The following EFNB2 variants were observed in gnomAD, a reference collection of about 807,000 sequenced individuals.
EFNB2 encodes ephrin B2, also known as ephrin-B2.
EFNB2 carries 5 observed loss-of-function variants against 32.1 expected under a neutral mutation model. That is an observed-to-expected ratio of 0.16 (90% CI 0.08 to 0.33). EFNB2 has a LOEUF of 0.33. EFNB2 is among the 10% of genes least tolerant of loss of function. EFNB2 has a pLI of 1.00. For synonymous variants in EFNB2, 168 were observed against 166.5 expected (o/e 1.01, Z -0.07); for missense variants, 263 against 422.6 (o/e 0.62, Z 3.31).
chr13:106,502,780 T>A (rs2138909082), intron 2 of EFNB2, among the ~76,000 whole-genome samples: 1 of 152,324 alleles, frequency 6.6e-6, no homozygotes, highest in South Asian at 2.1e-4. Flanking sequence ...GGGCCATAGG[T>A]ATCTTTGACT....
At chr13:106,508,923 A>C (rs1052211762) in intron 2 of EFNB2, among the ~76,000 whole-genome samples, 11 of 152,206 alleles carry the variant, frequency 7.2e-5, no homozygotes, top group Admixed American at 2.6e-4. Context: ...AAGTGTGATG[A>C]CTATATTTTA....
At chr13:106,520,146 G>C (rs1313641686) in intron 1 of EFNB2, 1 of 152,164 alleles carries the variant, frequency 6.6e-6, no homozygotes, top group Non-Finnish European at 1.5e-5. Context: ...CAAACCAAAA[G>C]TCATGTAATA....
intron 1 of EFNB2, among the ~76,000 whole-genome samples, chr13:106,534,177 G>A (rs1879977171): frequency 6.6e-6 from 1 of 152,170 alleles, no homozygotes; most frequent in Non-Finnish European, 1.5e-5. Flanking sequence ...GCGGGAGGCC[G>A]AGGTGCGGCG....
intron 4 of EFNB2, 42 bp downstream of exon 4, chr13:106,494,839 G>A (rs1878535480): frequency 2.8e-6 from 4 of 1,451,268 alleles, no homozygotes; most frequent in Non-Finnish European, 3.9e-6. Context: ...CTAAGAATGT[G>A]GTACCCACAG....
At position 106,493,378 on chromosome 13, in the gene EFNB2, C is replaced by G; in HGVS notation, c.664G>C (p.Gly222Arg). The stretch of plus-strand genomic sequence containing the variant: ...CCTGCAAATAAGGCCACTTCGGAAC[C>G]GAGGATGTTGTTCCCCGAATGTCCG... ...SAGHSGNNIL[G>R]SEVALFAGIA... is the part of the protein sequence containing the mutation. The change falls in exon 5 of 5, where the codon GGT (glycine) becomes CGT (arginine). Residue 222 changes from glycine to arginine, a missense_variant. Around this residue, in one of 3 missense-constraint regions of EFNB2, gnomAD observed 172 missense variants for 237.1 expected, o/e 0.73. Coordinates refer to ENST00000646441, the MANE Select transcript of EFNB2 (RefSeq NM_004093.4). This position sits in a 1 kb window ranked among gnomAD's most constrained non-coding sequence, Gnocchi z 6.1. 1 of 1,614,076 alleles carries G rather than the reference C, an allele frequency of 6.2e-7. No homozygotes were observed. Among genetic ancestry groups the G allele is most frequent in the Non-Finnish European group, 8.5e-7 (1 of 1,179,976 alleles).
At chr13:106,524,907 T>C (rs187046825) in intron 1 of EFNB2, among the ~76,000 whole-genome samples, 164 of 152,272 alleles carry the variant, frequency 1.1e-3, no homozygotes, top group East Asian at 3.1e-3. Context: ...AAGGAATGAG[T>C]AGAAGTTTGG....
chr13:106,515,514 C>A (rs1879283316), intron 1 of EFNB2, among the ~76,000 whole-genome samples: 1 of 152,156 alleles, frequency 6.6e-6, no homozygotes, highest in Non-Finnish European at 1.5e-5. Context: ...CCTTTCAGAA[C>A]ACACTGTGGC....
intron 1 of EFNB2, among the ~76,000 whole-genome samples, chr13:106,525,770 C>T (rs1342984042): frequency 2.0e-5 from 3 of 152,154 alleles, no homozygotes; most frequent in Non-Finnish European, 4.4e-5. Context: ...CTCTACAGGA[C>T]TTAGACTTTA....
chr13:106,535,288 G>T lies in EFNB2; in HGVS notation c.-324C>A, dbSNP rs1880039402. On this transcript the variant is annotated 5_prime_UTR_variant, in exon 1 of 5. Transcript: ENST00000646441. ...CGGGCCGGCCGCGGCTGGCGGGTGGGCGCGGGGCGGGTGCGGGCTGGGACA... is the reference window on the plus strand; with the variant it reads ...CGGGCCGGCCGCGGCTGGCGGGTGGTCGCGGGGCGGGTGCGGGCTGGGACA... 1 of 149,764 alleles carries T rather than the reference G, an allele frequency of 6.7e-6. No individual in the cohort carries two copies. Among genetic ancestry groups the T allele is most frequent in the Non-Finnish European group, 1.5e-5 (1 of 67,090 alleles). 9.3% of individuals were successfully genotyped at this position (149,764 alleles called of 1,614,324 possible). A position where few individuals can be genotyped will look rare whatever the true frequency, so the allele number is the denominator to read the frequency against.
chr13:106,526,611 T>C (rs1879710575), intron 1 of EFNB2, among the ~76,000 whole-genome samples: 1 of 152,106 alleles, frequency 6.6e-6, no homozygotes, highest in Admixed American at 6.5e-5. Context: ...CTACGAGAAC[T>C]TGCTTTTTTT....
At position 106,490,974 on chromosome 13, in the gene EFNB2, G is replaced by C. The variant is rs1278850418; in HGVS notation, c.*2066C>G. On this transcript the variant is annotated 3_prime_UTR_variant, in exon 5 of 5. Coordinates refer to ENST00000646441, the MANE Select transcript of EFNB2 (RefSeq NM_004093.4). ...TTTCCCTTCCAATTCAGAAAGCAAA[G>C]TGTTACCATAGTAACAGGACTATGT... 2 of 152,382 alleles carry C rather than the reference G, an allele frequency of 1.3e-5. No individual in the cohort carries two copies. The highest frequency in any genetic ancestry group is 4.8e-5 in the African/African-American group (2 of 41,342). 9.4% of individuals were successfully genotyped at this position (152,382 alleles called of 1,614,324 possible).
intron 2 of EFNB2, among the ~76,000 whole-genome samples, chr13:106,504,048 TTGAG>T (rs772568952): frequency 2.8e-4 from 42 of 152,314 alleles, no homozygotes; most frequent in Middle Eastern, 6.8e-3. Context: ...AAGCAGGTGT[TTGAG>T]TGAATTATTT....
At chr13:106,503,406 GC>G (rs1334670343) in intron 2 of EFNB2, among the ~76,000 whole-genome samples, 2 of 152,184 alleles carry the variant, frequency 1.3e-5, no homozygotes, top group Non-Finnish European at 2.9e-5. Flanking sequence ...ACATAGAAGA[GC>G]CAGCCTTAGA....
intron 2 of EFNB2, among the ~76,000 whole-genome samples, chr13:106,498,145 C>T (rs1878652029): frequency 6.6e-6 from 1 of 151,972 alleles, no homozygotes; most frequent in African/African-American, 2.4e-5. Context: ...AGTTTCAACA[C>T]TAAGCTGAAA....
intron 1 of EFNB2, among the ~76,000 whole-genome samples, chr13:106,523,815 A>G (rs1461967732): frequency 6.6e-6 from 1 of 152,218 alleles, no homozygotes; most frequent in East Asian, 1.9e-4. Flanking sequence ...ACAAGCTGGA[A>G]GCTGGCACGG....
At chr13:106,503,713 C>T (rs1011065231) in intron 2 of EFNB2, among the ~76,000 whole-genome samples, 12 of 152,232 alleles carry the variant, frequency 7.9e-5, no homozygotes, top group African/African-American at 2.9e-4. Flanking sequence ...CCCACTGCCA[C>T]TGGACTCTCT....
chr13:106,502,672 C>T (rs1175948942), intron 2 of EFNB2, among the ~76,000 whole-genome samples: 1 of 152,182 alleles, frequency 6.6e-6, no homozygotes, highest in Non-Finnish European at 1.5e-5. Context: ...ATAAACACCA[C>T]ATCTAGAACA....
At chr13:106,510,977 G>T (rs1054958442) in intron 2 of EFNB2, among the ~76,000 whole-genome samples, 17 of 151,978 alleles carry the variant, frequency 1.1e-4, no homozygotes, top group Admixed American at 3.9e-4. Flanking sequence ...CCAGCCTGAC[G>T]AAAGAGAGAG....
Position 106,535,006 on chromosome 13 carries a change from G to C in EFNB2, c.-42C>G, listed in dbSNP as rs370914593. The C allele has an allele frequency of 1.4e-5, 22 of 1,607,806 alleles. No individual in the cohort carries two copies. The highest frequency in any genetic ancestry group is 1.7e-4 in the Middle Eastern group (1 of 5,954). On this transcript the variant is annotated 5_prime_UTR_variant, in exon 1 of 5. Coordinates refer to ENST00000646441, the MANE Select transcript of EFNB2 (RefSeq NM_004093.4). ...GCTCCGCGCACTCCGGGCCAAGAAG[G>C]GACTGACGGGACGCAGGCTGGGACC... is the stretch of plus-strand genomic sequence containing the variant.
Sources: gnomAD v4.1 joint callset for allele counts (sites outside exome capture counted in the v4.1 genomes callset) on GRCh38, gnomAD v4.1.1 for gene constraint, gnomAD v4.1.1 regional missense constraint, Gnocchi (gnomAD v3.1) non-coding constraint, MANE v1.5 for transcripts, NCBI Gene and HGNC (gene_info 2026-07-23, HGNC 2026-07-21) for gene names.